NEGR1: variants seen among roughly 807,000 people sequenced by gnomAD.
The protein encoded by NEGR1 is neuronal growth regulator 1.
NEGR1 carries 10 observed loss-of-function variants against 40.9 expected under a neutral mutation model. The ratio of observed to expected loss-of-function variants is 0.24; its 90% CI spans 0.15 to 0.42. The LOEUF (loss-of-function observed/expected upper bound fraction) is 0.42. NEGR1 is among the 10% of genes least tolerant of loss of function. The probability of loss-of-function intolerance (pLI) is 1.00; values close to 1 mark genes in which losing one functional copy is unlikely to be tolerated. For synonymous variants in NEGR1, 185 were observed against 166.8 expected (o/e 1.11, Z -0.84); for missense variants, 352 against 438.9 (o/e 0.80, Z 1.77).
At chr1:71,882,669 A>T (rs1298845326) in intron 2 of NEGR1, among the ~76,000 whole-genome samples, 1 of 151,206 alleles carries the variant, frequency 6.6e-6, no homozygotes, top group African/African-American at 2.4e-5. Flanking sequence ...CTCACCACCC[A>T]GTACTCGTGA....
At chr1:71,560,462 T>A (rs1474770072) in intron 6 of NEGR1, among the ~76,000 whole-genome samples, 1 of 144,962 alleles carries the variant, frequency 6.9e-6, no homozygotes, top group Non-Finnish European at 1.5e-5. Flanking sequence ...TATATATATT[T>A]CCAATTAACC....
At chr1:71,979,149 T>A (rs753404418) in intron 1 of NEGR1, among the ~76,000 whole-genome samples, 67 of 152,086 alleles carry the variant, frequency 4.4e-4, no homozygotes, top group South Asian at 8.3e-4. Flanking sequence ...AAGTTGGAGC[T>A]AAATAAAGAG....
rs184776722 is a variant in NEGR1, at chr1:71,529,367, G to T, written c.940+63450C>A. ...CTAGGAATATAAAACCAGCATTAGG[G>T]CATTATTGTGAATTTAATCTAGATT... On this transcript the variant is annotated intron_variant, in intron 6 of 6. Coordinates refer to ENST00000357731, the MANE Select transcript of NEGR1 (RefSeq NM_173808.3). Among the ~76,000 whole-genome samples, 37 of 151,222 alleles carry T rather than the reference G, an allele frequency of 2.4e-4. No individual in the cohort carries two copies. In the East Asian group the frequency reaches 6.2e-3, roughly 25 times the overall value.
At chr1:71,719,742 C>T (rs1654437310) in intron 3 of NEGR1, among the ~76,000 whole-genome samples, 1 of 152,024 alleles carries the variant, frequency 6.6e-6, no homozygotes, top group Non-Finnish European at 1.5e-5. Context: ...TCGTCATTTA[C>T]ATTAGGTATT....
chr1:71,793,702 T>A (rs994881993), intron 2 of NEGR1, among the ~76,000 whole-genome samples: 20 of 152,044 alleles, frequency 1.3e-4, no homozygotes, highest in African/African-American at 4.6e-4. Flanking sequence ...GTAATATATA[T>A]AAAAATTTTG....
At chr1:72,088,796 C>CTCTT (rs1477735559) in intron 1 of NEGR1, among the ~76,000 whole-genome samples, 19 of 74,918 alleles carry the variant, frequency 2.5e-4, no homozygotes, top group African/African-American at 8.9e-4. Context: ...CTCTCTCTCT[C>CTCTT]TTTTTTTTTT....
At chr1:71,459,825 C>A (rs1646701163) in intron 6 of NEGR1, among the ~76,000 whole-genome samples, 1 of 152,142 alleles carries the variant, frequency 6.6e-6, no homozygotes, top group African/African-American at 2.4e-5. Flanking sequence ...TAGTTCCTTC[C>A]CATAGTGATT....
chr1:71,820,215 T>C (rs997651981), intron 2 of NEGR1, among the ~76,000 whole-genome samples: 6 of 151,942 alleles, frequency 3.9e-5, no homozygotes, highest in African/African-American at 1.2e-4. Context: ...ACATGAGTAC[T>C]ACTCAGATTT....
chr1:71,485,104 G>A (rs889043455), intron 6 of NEGR1, among the ~76,000 whole-genome samples: 1 of 151,648 alleles, frequency 6.6e-6, no homozygotes, highest in Non-Finnish European at 1.5e-5. Flanking sequence ...GTATTCCCAT[G>A]AGATGATTGA....
At chr1:71,999,688 T>TATATACACA (rs1553129025) in intron 1 of NEGR1, among the ~76,000 whole-genome samples, 1 of 128,140 alleles carries the variant, frequency 7.8e-6, no homozygotes, top group African/African-American at 2.9e-5. Context: ...TACATACATA[T>TATATACACA]TTTTGTCCGG....
chr1:72,204,338 C>T (rs1481968308), intron 1 of NEGR1, among the ~76,000 whole-genome samples: 1 of 152,028 alleles, frequency 6.6e-6, no homozygotes, highest in East Asian at 1.9e-4. Context: ...TTTTTTCCCT[C>T]TCCAACCTGT....
chr1:72,041,140 G>T (rs1464099254), intron 1 of NEGR1, among the ~76,000 whole-genome samples: 5 of 151,946 alleles, frequency 3.3e-5, no homozygotes, highest in Non-Finnish European at 7.4e-5. Context: ...TTAAAAATAT[G>T]CTATATGTAT....
At position 71,601,280 on chromosome 1, in the gene NEGR1, C is replaced by T. The variant is rs540861419; in HGVS notation, c.789-8312G>A. Among the ~76,000 whole-genome samples, 17 of 152,270 alleles carry T rather than the reference C, an allele frequency of 1.1e-4. No individual in the cohort carries two copies. In the Middle Eastern group the frequency reaches 0.01, roughly 91 times the overall value. On this transcript the variant is annotated intron_variant, in intron 5 of 6. Coordinates refer to ENST00000357731, the MANE Select transcript of NEGR1 (RefSeq NM_173808.3). ...AACCACAATGAAATACCACCTCACA[C>T]CAGTCAAAATGGCTATTATTAAAAA...
chr1:72,222,132 A>G (rs1309676482), intron 1 of NEGR1, among the ~76,000 whole-genome samples: 2 of 152,090 alleles, frequency 1.3e-5, no homozygotes, highest in Non-Finnish European at 2.9e-5. Flanking sequence ...ACCCTTGCAG[A>G]TCAAAAGCCT....
chr1:72,048,823 A>G (rs1647027946), intron 1 of NEGR1, among the ~76,000 whole-genome samples: 1 of 151,082 alleles, frequency 6.6e-6, no homozygotes, highest in Admixed American at 6.6e-5. Flanking sequence ...AATTAACTGG[A>G]CATTTTTTTT....
At chr1:71,498,796 T>C (rs891260428) in intron 6 of NEGR1, among the ~76,000 whole-genome samples, 2 of 152,138 alleles carry the variant, frequency 1.3e-5, no homozygotes, top group African/African-American at 4.8e-5. Flanking sequence ...ATAAGATCAT[T>C]TGCCTTAATC....
intron 6 of NEGR1, among the ~76,000 whole-genome samples, chr1:71,510,682 C>T (rs1225288082): frequency 6.6e-6 from 1 of 152,084 alleles, no homozygotes; most frequent in African/African-American, 2.4e-5. Flanking sequence ...TAGAACTCAA[C>T]CAATGAGGAA....
At chr1:71,698,177 C>T in intron 3 of NEGR1, 38 bp from the exon 4 acceptor site, 4 of 1,582,790 alleles carry the variant, frequency 2.5e-6, no homozygotes, top group Non-Finnish European at 2.6e-6. Context: ...TTGTAGCCGC[C>T]TGAGGCTTCA....
intron 6 of NEGR1, among the ~76,000 whole-genome samples, chr1:71,552,628 A>AAT (rs1648124808): frequency 6.7e-6 from 1 of 149,620 alleles, no homozygotes; most frequent in South Asian, 2.1e-4. Context: ...ATATTAGGAG[A>AAT]ATATATATAC....
Sources: gnomAD v4.1 joint callset for allele counts (sites outside exome capture counted in the v4.1 genomes callset) on GRCh38, gnomAD v4.1.1 for gene constraint, MANE v1.5 for transcripts, NCBI Gene and HGNC (gene_info 2026-07-23, HGNC 2026-07-21) for gene names.